Variants in GLIS3 observed in about 807,000 individuals in gnomAD.
GLIS3 encodes the protein GLIS family zinc finger 3, also known as zinc finger protein GLIS3.
GLIS3 carries 53 observed loss-of-function variants against 78.6 expected under a neutral mutation model. The observed-to-expected ratio is 0.67, with a 90% CI of 0.54 to 0.85. The LOEUF (loss-of-function observed/expected upper bound fraction) is 0.85, where lower values mean the gene tolerates loss of function less well. Ranked by LOEUF, GLIS3 falls within the 40% of genes least tolerant of loss-of-function variation. The pLI, the probability that GLIS3 is intolerant of heterozygous loss-of-function variation, is 0.00. For synonymous variants in GLIS3, 684 were observed against 509.9 expected (o/e 1.34, Z -4.60); for missense variants, 1,703 against 1,231.1 (o/e 1.38, Z -5.74).
chr9:3,935,522 C>A (rs114929815), intron 5 of GLIS3, among the ~76,000 whole-genome samples: 1 of 151,986 alleles, frequency 6.6e-6, no homozygotes, highest in African/African-American at 2.4e-5. Flanking sequence ...GAGGGCAGTG[C>A]GAAACCATAA....
At chr9:4,322,185 A>C (rs1263450756) in intron 2 of GLIS3, among the ~76,000 whole-genome samples, 2 of 152,168 alleles carry the variant, frequency 1.3e-5, no homozygotes, top group African/African-American at 4.8e-5. Context: ...AGCTTCATCC[A>C]TGTCCCTACA....
At chr9:3,968,912 G>A (rs1249088649) in intron 4 of GLIS3, among the ~76,000 whole-genome samples, 3 of 152,216 alleles carry the variant, frequency 2.0e-5, no homozygotes, top group African/African-American at 7.2e-5. Context: ...CTAACTATAA[G>A]TGAGTGAGCA....
intron 9 of GLIS3, among the ~76,000 whole-genome samples, chr9:3,852,306 C>A (rs532004968): frequency 6.6e-6 from 1 of 152,250 alleles, no homozygotes; most frequent in East Asian, 1.9e-4. Context: ...TGACCTCTAC[C>A]TACGGCAGGG....
At chr9:4,461,542 T>C in the GLIS3 span, among the ~76,000 whole-genome samples, 3 of 152,314 alleles carry the variant, frequency 2.0e-5, no homozygotes, top group South Asian at 4.1e-4. Context: ...ACAACAGGTG[T>C]TACTAGGGTT....
chr9:3,973,489 C>T (rs1011842840), intron 4 of GLIS3, among the ~76,000 whole-genome samples: 15 of 152,044 alleles, frequency 9.9e-5, no homozygotes, highest in Admixed American at 4.6e-4. Context: ...AAAGACACTC[C>T]GATCAGATAT....
chr9:4,183,708 C>G (rs1297295351), intron 2 of GLIS3, among the ~76,000 whole-genome samples: 2 of 152,188 alleles, frequency 1.3e-5, no homozygotes, highest in Non-Finnish European at 2.9e-5. Context: ...AAAAATAATA[C>G]TTCCTAAATT....
chr9:4,395,860 G>A, the GLIS3 span, among the ~76,000 whole-genome samples: 3 of 147,962 alleles, frequency 2.0e-5, no homozygotes, highest in Non-Finnish European at 4.4e-5. Flanking sequence ...TGCAACCTTC[G>A]ACTCCCTAGT....
intron 7 of GLIS3, among the ~76,000 whole-genome samples, chr9:3,895,512 G>A (rs894302934): frequency 6.6e-6 from 1 of 152,150 alleles, no homozygotes; most frequent in Non-Finnish European, 1.5e-5. Flanking sequence ...TCCTCAGCAT[G>A]GCCTCAAGTG....
chr9:4,454,609 C>T, the GLIS3 span, among the ~76,000 whole-genome samples: 3 of 152,054 alleles, frequency 2.0e-5, no homozygotes, highest in African/African-American at 7.3e-5. Context: ...GTTATTTCAC[C>T]CTTTCCAGCA....
At position 3,952,992 on chromosome 9, in the gene GLIS3, GCTAC is replaced by G. The variant is rs1191432525; in HGVS notation, c.1711-15807_1711-15804del. ...AATTTAAAAAAATCATATTGTGATT[GCTAC>G]CTAGGTAAGTTCCTGGTTCAGATAT... On this transcript the variant is annotated intron_variant, in intron 4 of 10. Transcript: ENST00000381971. 3.3e-5 allele frequency among the ~76,000 whole-genome samples: 5 copies of G among 152,286 alleles called. No homozygotes were observed. The East Asian group carries it at 7.7e-4, about 24-fold the overall frequency.
intron 3 of GLIS3, among the ~76,000 whole-genome samples, chr9:4,124,875 G>A (rs1480607462): frequency 6.6e-6 from 1 of 152,210 alleles, no homozygotes; most frequent in Non-Finnish European, 1.5e-5. Flanking sequence ...GACTAAGGCA[G>A]AAACTGTGGA....
At chr9:4,413,847 T>G in the GLIS3 span, among the ~76,000 whole-genome samples, 2 of 152,126 alleles carry the variant, frequency 1.3e-5, no homozygotes, top group Admixed American at 6.6e-5. Flanking sequence ...CCTGTAAAAT[T>G]TAATCCAACC....
At chr9:3,963,640 C>T (rs1004941775) in intron 4 of GLIS3, among the ~76,000 whole-genome samples, 1 of 152,168 alleles carries the variant, frequency 6.6e-6, no homozygotes, top group South Asian at 2.1e-4. Context: ...TCCTCTTTGA[C>T]TCTCAAAGCA....
intron 2 of GLIS3, among the ~76,000 whole-genome samples, chr9:4,242,950 G>C (rs1226654668): frequency 6.6e-6 from 1 of 151,948 alleles, no homozygotes; most frequent in African/African-American, 2.4e-5. Context: ...ATTTCTATTA[G>C]ATAGTACTAC....
intron 4 of GLIS3, among the ~76,000 whole-genome samples, chr9:4,031,438 G>A (rs1418702636): frequency 6.6e-6 from 1 of 152,176 alleles, no homozygotes; most frequent in African/African-American, 2.4e-5. Context: ...GATTATGCAA[G>A]TACATAGAGA....
intron 6 of GLIS3, among the ~76,000 whole-genome samples, chr9:3,912,344 C>T (rs1203278704): frequency 6.6e-6 from 1 of 152,150 alleles, no homozygotes; most frequent in Non-Finnish European, 1.5e-5. Flanking sequence ...GGATGCATAG[C>T]GCCCTGGAAT....
the GLIS3 span, among the ~76,000 whole-genome samples, chr9:4,362,235 G>C: frequency 6.6e-6 from 1 of 152,170 alleles, no homozygotes; most frequent in Non-Finnish European, 1.5e-5. Flanking sequence ...TTTTGCTATG[G>C]ATTTTTTTCC....
At chr9:3,888,498 A>G (rs1430934489) in intron 7 of GLIS3, among the ~76,000 whole-genome samples, 3 of 152,240 alleles carry the variant, frequency 2.0e-5, no homozygotes, top group African/African-American at 7.2e-5. Flanking sequence ...TGACCTATCA[A>G]TCAACTCTGA....
At position 4,230,995 on chromosome 9, in the gene GLIS3, C is replaced by A. The variant is rs553715619; in HGVS notation, c.388+55043G>T. Among the ~76,000 whole-genome samples, 89 of 152,136 alleles carry A rather than the reference C, an allele frequency of 5.9e-4. 1 individual carries two copies. The highest frequency in any genetic ancestry group is 2.1e-3 in the Admixed American group (32 of 15,278). On this transcript the variant is annotated intron_variant, in intron 2 of 10. Transcript: ENST00000381971. ...ACTGGAGTGGGATGATCACTTGAGCCCAGGAGTTTGAGGCTGTAGTGAGCT... is the reference window on the plus strand; with the variant it reads ...ACTGGAGTGGGATGATCACTTGAGCACAGGAGTTTGAGGCTGTAGTGAGCT...
Sources: allele counts gnomAD v4.1 joint callset (sites outside exome capture counted in the v4.1 genomes callset), GRCh38; gene constraint gnomAD v4.1.1; transcripts MANE v1.5; gene names NCBI Gene and HGNC (gene_info 2026-07-23, HGNC 2026-07-21).